Variants in ATF7IP observed in about 807,000 individuals in gnomAD.
ATF7IP encodes activating transcription factor 7 interacting protein.
In ATF7IP, 23 loss-of-function variants were observed where a neutral mutation model predicts 106.4. That is an observed-to-expected ratio of 0.22 (90% CI 0.16 to 0.31). The LOEUF is 0.31. ATF7IP is among the 10% of genes least tolerant of loss of function. The pLI is 1.00. For synonymous variants in ATF7IP, 542 were observed against 539.0 expected, an observed-to-expected ratio of 1.01 and a Z score of -0.08; for missense variants, 1,334 against 1,524.3, an observed-to-expected ratio of 0.88 and a Z score of 2.08.
At chr12:14,468,272 C>CA (rs567695230) in intron 10 of ATF7IP, among the ~76,000 whole-genome samples, 4,942 of 65,534 alleles carry the variant, frequency 0.075, 143 homozygotes, top group African/African-American at 0.12. Context: ...CATCCCATCT[C>CA]AAAAAAAAAA....
intron 6 of ATF7IP, 109 bp downstream of exon 6, chr12:14,447,162 C>T: frequency 1.4e-6 from 1 of 724,200 alleles, no homozygotes. Context: ...TGCTTTCATA[C>T]TGTGTACTCC....
rs529540679 is a variant in ATF7IP, at chr12:14,471,956, T to TG, written c.2863-3933dup. Among the ~76,000 whole-genome samples the TG allele has an allele frequency of 1.2e-4, 18 of 152,312 alleles. No individual in the cohort carries two copies. The South Asian group carries it at 1.9e-3, about 16-fold the overall frequency. On this transcript the variant is annotated intron_variant, in intron 10 of 14. Coordinates refer to ENST00000261168, the MANE Select transcript of ATF7IP (RefSeq NM_018179.5). Reference sequence around the variant, plus strand: ...AGAAATGATCATTGGAAAAAGGCAATGATGCTCTTGGAGGAATGCAGATCT... The same window carrying TG: ...AGAAATGATCATTGGAAAAAGGCAATGGATGCTCTTGGAGGAATGCAGATCT...
At chr12:14,404,736 T>G (rs1470662266) in intron 1 of ATF7IP, among the ~76,000 whole-genome samples, 1 of 152,168 alleles carries the variant, frequency 6.6e-6, no homozygotes, top group Non-Finnish European at 1.5e-5. Flanking sequence ...ATGTACAACT[T>G]AGTAACAAAC....
intron 3 of ATF7IP, among the ~76,000 whole-genome samples, chr12:14,434,719 A>G (rs1025595611): frequency 6.6e-5 from 10 of 152,192 alleles, no homozygotes; most frequent in Non-Finnish European, 2.9e-5. Context: ...TGTTTAGAGA[A>G]TGAAACTACA....
At chr12:14,405,874 A>T (rs1565485739) in intron 1 of ATF7IP, among the ~76,000 whole-genome samples, 1 of 152,164 alleles carries the variant, frequency 6.6e-6, no homozygotes, top group Non-Finnish European at 1.5e-5. Context: ...TGCCTTGGTT[A>T]TTCAGTTTCC....
Position 14,472,480 on chromosome 12 carries a change from A to G in ATF7IP, c.2863-3410A>G, listed in dbSNP as rs142587037. Among the ~76,000 whole-genome samples, 74 of 152,302 alleles carry G rather than the reference A, an allele frequency of 4.9e-4. 1 individual carries two copies. The East Asian group carries it at 0.014, about 29-fold the overall frequency. ...CCAGCTTGAATGTGTGTAGGGATGT[A>G]GGTATATACGCATACCTATTTTCCC... On this transcript the variant is annotated intron_variant, in intron 10 of 14. Transcript: ENST00000261168.
At chr12:14,437,976 C>G (rs931326976) in intron 4 of ATF7IP, among the ~76,000 whole-genome samples, 154 bp from the exon 5 acceptor site, 1 of 152,032 alleles carries the variant, frequency 6.6e-6, no homozygotes, top group African/African-American at 2.4e-5. Flanking sequence ...TGGCGTGAAC[C>G]CGGGAGGCGG....
chr12:14,402,127 C>CTTTTTTTTTTTTTTTTTTTTTTT (rs11297116), intron 1 of ATF7IP, among the ~76,000 whole-genome samples: 1 of 101,874 alleles, frequency 9.8e-6, no homozygotes, highest in Non-Finnish European at 1.9e-5. Flanking sequence ...TTTCTTCTTT[C>CTTTTTTTTTTTTTTTTTTTTTTT]TTTTTTTTTT....
Position 14,447,011 on chromosome 12 carries a change from A to G in ATF7IP, c.1953A>G (p.Lys651=). The part of the protein sequence containing the change: ...ELQAKIARLT[K]RFEAAKEDLK... ...AGGCCAAGATAGCCAGGTTAACCAA[A>G]CGCTTTGAAGCAGCCAAAGAAGATC... The change falls in exon 6 of 15, where the codon AAA becomes AAG. Residue 651 remains lysine, a synonymous_variant. Transcript: ENST00000261168. 6.3e-7 allele frequency: 1 copy of G among 1,578,060 alleles called. No homozygotes were observed.
rs142004005 is a variant in ATF7IP, at chr12:14,410,195, C to G, written c.-7-13714C>G. On this transcript the variant is annotated intron_variant, in intron 1 of 14. Coordinates refer to ENST00000261168, the MANE Select transcript of ATF7IP (RefSeq NM_018179.5). ...TTAGTCCCCCCTTCTCCACAGTTTT[C>G]GTTTTCTGTGGTTTTAGCTGTCTGT... is the stretch of plus-strand genomic sequence containing the variant. 3.9e-5 allele frequency among the ~76,000 whole-genome samples: 6 copies of G among 152,198 alleles called. No individual in the cohort carries two copies. In the East Asian group the frequency reaches 1.2e-3, roughly 29 times the overall value.
intron 11 of ATF7IP, chr12:14,476,249 A>T (rs1215633482): frequency 8.7e-6 from 2 of 229,608 alleles, no homozygotes; most frequent in Non-Finnish European, 1.7e-5. Flanking sequence ...CCGTCTCTAT[A>T]AAAAATTTAA....
chr12:14,488,230 T>A (rs1229357590), intron 13 of ATF7IP, among the ~76,000 whole-genome samples: 1 of 151,944 alleles, frequency 6.6e-6, no homozygotes, highest in African/African-American at 2.4e-5. Context: ...TATAAATTTG[T>A]AGATATAGTA....
intron 1 of ATF7IP, among the ~76,000 whole-genome samples, chr12:14,423,484 T>G (rs1172674816): frequency 6.6e-6 from 1 of 151,748 alleles, no homozygotes; most frequent in Admixed American, 6.6e-5. Context: ...TGTTTCTTAA[T>G]TCTTCCTCCT....
chr12:14,385,438 T>G, intron 1 of ATF7IP: 1 of 1,515,920 alleles, frequency 6.6e-7, no homozygotes, highest in Non-Finnish European at 8.8e-7. Context: ...AACATTCTCA[T>G]TTTTTTCTTT....
At chr12:14,401,670 C>T (rs1462163656) in intron 1 of ATF7IP, among the ~76,000 whole-genome samples, 3 of 133,180 alleles carry the variant, frequency 2.3e-5, no homozygotes, top group East Asian at 4.4e-4. Context: ...TTTTGGTTTT[C>T]AATTTTTTCC....
chr12:14,377,622 CTT>C (rs113632700), intron 1 of ATF7IP, among the ~76,000 whole-genome samples: 4 of 145,188 alleles, frequency 2.8e-5, no homozygotes, highest in African/African-American at 2.5e-5. Context: ...TTCTTTCTTT[CTT>C]TTTTTTTTTG....
At chr12:14,408,193 T>C (rs1333198574) in intron 1 of ATF7IP, among the ~76,000 whole-genome samples, 2 of 152,090 alleles carry the variant, frequency 1.3e-5, no homozygotes, top group African/African-American at 4.8e-5. Flanking sequence ...TTTATTTAGC[T>C]TAACATTCAT....
chr12:14,425,113 G>T lies in ATF7IP; in HGVS notation c.1198G>T (p.Asp400Tyr), dbSNP rs1178984594. 6.3e-7 allele frequency: 1 copy of T among 1,588,328 alleles called. No homozygotes were observed. Among genetic ancestry groups the T allele is most frequent in the Non-Finnish European group, 8.5e-7 (1 of 1,173,162 alleles). The stretch of plus-strand genomic sequence containing the variant: ...AATTGACCAAGGTGAAAAGAATGAA[G>T]ATGAAACTTCTGCAGATCTTGTAGA... ...MEIDQGEKNEDETSADLVETI... is the reference protein window; with the variant it reads ...MEIDQGEKNEYETSADLVETI... The change falls in exon 2 of 15, where the codon GAT (aspartate) becomes TAT (tyrosine). Residue 400 changes from aspartate to tyrosine, a missense_variant. Around this residue, in one of 10 missense-constraint regions of ATF7IP, gnomAD observed 438 missense variants for 405.3 expected, o/e 1.08. Coordinates refer to ENST00000261168, the MANE Select transcript of ATF7IP (RefSeq NM_018179.5).
chr12:14,410,559 T>C (rs1160324000), intron 1 of ATF7IP, among the ~76,000 whole-genome samples: 1 of 152,144 alleles, frequency 6.6e-6, no homozygotes, highest in Non-Finnish European at 1.5e-5. Context: ...GTAAAGTGCT[T>C]CCTTTAAGTG....
Sources: allele counts gnomAD v4.1 joint callset (sites outside exome capture counted in the v4.1 genomes callset), GRCh38; gene constraint gnomAD v4.1.1; regional missense constraint gnomAD v4.1.1; transcripts MANE v1.5; gene names NCBI Gene and HGNC (gene_info 2026-07-23, HGNC 2026-07-21).